Variants in CLVS1 observed in about 807,000 individuals in gnomAD.
CLVS1 encodes clavesin 1, also known as clavesin-1.
Under a neutral mutation model 33.1 loss-of-function variants are expected in CLVS1, and 10 were observed. That is an observed-to-expected ratio of 0.30 (90% CI 0.19 to 0.51). The LOEUF (loss-of-function observed/expected upper bound fraction) is 0.51, where lower values mean the gene tolerates loss of function less well. Ranked by LOEUF, CLVS1 falls within the 20% of genes least tolerant of loss-of-function variation. The pLI, the probability that CLVS1 is intolerant of heterozygous loss-of-function variation, is 0.97. For synonymous variants in CLVS1, 163 were observed against 166.1 expected (o/e 0.98, Z 0.14); for missense variants, 343 against 433.4 (o/e 0.79, Z 1.85).
chr8:61,500,991 G>A lies in CLVS1; in HGVS notation c.*1449G>A, dbSNP rs1191995600. The A allele has an allele frequency of 1.3e-5, 2 of 151,770 alleles. No individual in the cohort carries two copies. The highest frequency in any genetic ancestry group is 2.9e-5 in the Non-Finnish European group (2 of 67,974). The allele number at this position is 151,770 out of a possible 1,614,324, so 9.4% of individuals were successfully genotyped here. On this transcript the variant is annotated 3_prime_UTR_variant, in exon 6 of 6. Transcript: ENST00000325897. ...AATGTTTTAATTTTTTCCCCTATTG[G>A]TAGAGAACAATAACAGAAGTAATTT...
intron 3 of CLVS1, among the ~76,000 whole-genome samples, chr8:61,426,614 T>A (rs1420975102): frequency 6.6e-6 from 1 of 152,220 alleles, no homozygotes; most frequent in Non-Finnish European, 1.5e-5. Flanking sequence ...CAACTGGTAT[T>A]GCTGAATCCC....
At chr8:61,200,577 G>A (rs558044519) in intron 2 of CLVS1, among the ~76,000 whole-genome samples, 36 of 152,322 alleles carry the variant, frequency 2.4e-4, no homozygotes, top group Admixed American at 1.4e-3. Flanking sequence ...ACATCTTTGA[G>A]TATTTTTCAA....
chr8:61,366,900 G>T (rs1460953734), intron 2 of CLVS1, among the ~76,000 whole-genome samples: 1 of 152,164 alleles, frequency 6.6e-6, no homozygotes, highest in Non-Finnish European at 1.5e-5. Context: ...CTGATATCAA[G>T]TAATGTTAAT....
chr8:61,471,302 A>AG (rs1282355672), intron 5 of CLVS1, among the ~76,000 whole-genome samples: 1 of 152,086 alleles, frequency 6.6e-6, no homozygotes, highest in Non-Finnish European at 1.5e-5. Flanking sequence ...CCACAGAAAA[A>AG]CAGCATGATG....
chr8:61,293,820 G>A (rs766596855), intron 1 of CLVS1, among the ~76,000 whole-genome samples: 7 of 151,966 alleles, frequency 4.6e-5, no homozygotes, highest in African/African-American at 9.7e-5. Flanking sequence ...TGTTGTCACC[G>A]GTATTAATTT....
At chr8:61,223,355 T>G (rs1808262191) in intron 2 of CLVS1, among the ~76,000 whole-genome samples, 1 of 152,194 alleles carries the variant, frequency 6.6e-6, no homozygotes, top group Non-Finnish European at 1.5e-5. Context: ...TTTCAGGAGT[T>G]CTTGCAGGGC....
chr8:61,010,158 C>T, the CLVS1 span, among the ~76,000 whole-genome samples: 1 of 152,176 alleles, frequency 6.6e-6, no homozygotes, highest in African/African-American at 2.4e-5. Flanking sequence ...CTCCATTCAC[C>T]TCTGCTTGTT....
intron 2 of CLVS1, among the ~76,000 whole-genome samples, chr8:61,333,154 T>C (rs10104760): frequency 0.058 from 8,887 of 152,276 alleles, 630 homozygotes; most frequent in East Asian, 0.18. Flanking sequence ...ATTACATTGC[T>C]TAGGAAGCAA....
intron 2 of CLVS1, 56 bp downstream of exon 2, chr8:61,300,338 C>A: frequency 1.4e-6 from 2 of 1,423,810 alleles, no homozygotes; most frequent in Non-Finnish European, 1.9e-6. Context: ...ATTATCACTG[C>A]ATGTTTGGGG....
At chr8:61,190,309 T>C (rs986831281) in intron 2 of CLVS1, among the ~76,000 whole-genome samples, 5 of 152,174 alleles carry the variant, frequency 3.3e-5, no homozygotes, top group Admixed American at 6.6e-5. Flanking sequence ...GAAATAAAGA[T>C]GTTCTTTGAA....
chr8:61,209,305 C>T (rs141052760), intron 2 of CLVS1, among the ~76,000 whole-genome samples: 48 of 152,296 alleles, frequency 3.2e-4, no homozygotes, highest in African/African-American at 1.0e-3. Flanking sequence ...GTTGGCTGCC[C>T]AGGCTGAATT....
intron 2 of CLVS1, among the ~76,000 whole-genome samples, chr8:61,173,357 T>TAA (rs1203312207): frequency 5.9e-5 from 9 of 152,234 alleles, no homozygotes; most frequent in Non-Finnish European, 2.9e-5. Context: ...ATATTAATTT[T>TAA]AGAAATTTGT....
At chr8:61,002,004 G>A in the CLVS1 span, among the ~76,000 whole-genome samples, 2 of 151,574 alleles carry the variant, frequency 1.3e-5, no homozygotes, top group Admixed American at 6.6e-5. Context: ...TTTGAGACAG[G>A]GTCTTGCTCT....
chr8:61,386,747 T>A (rs912078063), intron 3 of CLVS1, among the ~76,000 whole-genome samples: 1 of 152,194 alleles, frequency 6.6e-6, no homozygotes, highest in Non-Finnish European at 1.5e-5. Flanking sequence ...AATACAAGGA[T>A]GCTGCTGATG....
At chr8:61,151,028 C>T (rs1051308152) in intron 2 of CLVS1, among the ~76,000 whole-genome samples, 5 of 152,196 alleles carry the variant, frequency 3.3e-5, no homozygotes, top group African/African-American at 1.2e-4. Context: ...CACCCCCAGA[C>T]TATGTTTGAG....
intron 2 of CLVS1, among the ~76,000 whole-genome samples, chr8:61,182,129 T>C (rs930120545): frequency 3.9e-5 from 6 of 152,170 alleles, no homozygotes; most frequent in Non-Finnish European, 8.8e-5. Context: ...CCTAGCCATA[T>C]GCAGAAAATG....
chr8:61,483,422 A>G (rs1210984893), intron 5 of CLVS1, among the ~76,000 whole-genome samples: 1 of 152,224 alleles, frequency 6.6e-6, no homozygotes, highest in Non-Finnish European at 1.5e-5. Flanking sequence ...TACACCAATA[A>G]TAGGTTCTGA....
At chr8:61,402,490 C>A (rs774539243) in intron 3 of CLVS1, among the ~76,000 whole-genome samples, 1 of 152,070 alleles carries the variant, frequency 6.6e-6, no homozygotes, top group African/African-American at 2.4e-5. Flanking sequence ...CAAGTGAGAG[C>A]TGTGGCCCGA....
At chr8:61,050,782 T>C in the CLVS1 span, among the ~76,000 whole-genome samples, 288 of 152,330 alleles carry the variant, frequency 1.9e-3, 1 homozygote, top group African/African-American at 6.1e-3. Context: ...TTGGCACCTG[T>C]CTGTGGCCTG....
Sources: allele counts gnomAD v4.1 joint callset (sites outside exome capture counted in the v4.1 genomes callset), GRCh38; gene constraint gnomAD v4.1.1; transcripts MANE v1.5; gene names NCBI Gene and HGNC (gene_info 2026-07-23, HGNC 2026-07-21).